The following TXK variants were observed in gnomAD, a reference collection of about 807,000 sequenced individuals.
TXK encodes the protein tyrosine-protein kinase TXK.
Under a neutral mutation model 81.0 loss-of-function variants are expected in TXK, and 60 were observed. That is an observed-to-expected ratio of 0.74 (90% CI 0.60 to 0.92). The LOEUF (loss-of-function observed/expected upper bound fraction) is 0.92. Among genes scored for constraint, TXK ranks in the 40% least tolerant of loss-of-function variants. TXK has a pLI of 0.00. For missense variants in TXK, 581 were observed against 638.3 expected (o/e 0.91, Z 0.97); for synonymous variants, 203 against 210.7 (o/e 0.96, Z 0.32).
Position 48,079,909 on chromosome 4 carries a change from T to TA in TXK, c.1173+2dup. 1 of 1,610,500 alleles carries TA rather than the reference T, an allele frequency of 6.2e-7. No homozygotes were observed. Among genetic ancestry groups the TA allele is most frequent in the Non-Finnish European group, 8.5e-7 (1 of 1,176,928 alleles). ...AAAAAAAGTAAATTTGCACCATACT[T>TA]ACCAAATCCCTATGAATATAGCCAT... On this transcript the variant is annotated splice_region_variant and intron_variant, in intron 11 of 14. Coordinates refer to ENST00000264316, the MANE Select transcript of TXK (RefSeq NM_003328.3).
intron 12 of TXK, among the ~76,000 whole-genome samples, chr4:48,075,111 G>C (rs1245412487): frequency 1.3e-5 from 2 of 152,010 alleles, no homozygotes; most frequent in Admixed American, 1.3e-4. Flanking sequence ...AAAGAAAAGG[G>C]GGGTACTAGA....
At chr4:48,131,984 C>G (rs1040411138) in intron 1 of TXK, among the ~76,000 whole-genome samples, 1 of 150,618 alleles carries the variant, frequency 6.6e-6, no homozygotes, top group Non-Finnish European at 1.5e-5. Flanking sequence ...TTGTTCTTAT[C>G]TGCGTGAATG....
At chr4:48,068,148 C>T (rs1331366725) in intron 14 of TXK, among the ~76,000 whole-genome samples, 1 of 152,206 alleles carries the variant, frequency 6.6e-6, no homozygotes, top group Non-Finnish European at 1.5e-5. Flanking sequence ...CTCAGTCGTG[C>T]TAGCCACTTT....
intron 1 of TXK, among the ~76,000 whole-genome samples, chr4:48,125,156 TCCA>T (rs1283050249): frequency 6.6e-6 from 1 of 152,186 alleles, no homozygotes; most frequent in East Asian, 1.9e-4. Context: ...CAGCCATTTA[TCCA>T]GTCACATAAA....
At chr4:48,077,170 T>A (rs890688773) in intron 11 of TXK, among the ~76,000 whole-genome samples, 1 of 152,206 alleles carries the variant, frequency 6.6e-6, no homozygotes, top group African/African-American at 2.4e-5. Flanking sequence ...CACAATGAAC[T>A]GAATATAATG....
At chr4:48,099,557 A>T (rs1172506098) in intron 6 of TXK, among the ~76,000 whole-genome samples, 1 of 151,974 alleles carries the variant, frequency 6.6e-6, no homozygotes, top group East Asian at 1.9e-4. Context: ...AAGATTTTTT[A>T]AAATGAGACA....
At chr4:48,076,000 A>C (rs1010380000) in intron 12 of TXK, among the ~76,000 whole-genome samples, 3 of 152,226 alleles carry the variant, frequency 2.0e-5, no homozygotes, top group Non-Finnish European at 2.9e-5. Flanking sequence ...ACTTAAAGTC[A>C]ACTACTATAC....
intron 9 of TXK, among the ~76,000 whole-genome samples, chr4:48,088,249 G>T (rs954975248): frequency 1.3e-5 from 2 of 152,162 alleles, no homozygotes; most frequent in Non-Finnish European, 2.9e-5. Context: ...TTAGAAAACT[G>T]ACTGTATCTA....
chr4:48,113,908 A>G (rs938695965), intron 2 of TXK, among the ~76,000 whole-genome samples: 1 of 152,228 alleles, frequency 6.6e-6, no homozygotes, highest in African/African-American at 2.4e-5. Context: ...CTCCTGTTAA[A>G]TGTTAGCTTT....
chr4:48,090,346 A>G (rs1577660253), intron 8 of TXK, among the ~76,000 whole-genome samples: 2 of 152,210 alleles, frequency 1.3e-5, no homozygotes, highest in East Asian at 3.8e-4. Context: ...TTTCCAGGTC[A>G]AAGCGTGTCC....
intron 11 of TXK, among the ~76,000 whole-genome samples, chr4:48,079,476 A>G (rs756064743): frequency 9.9e-5 from 15 of 152,094 alleles, no homozygotes; most frequent in Non-Finnish European, 1.9e-4. Context: ...GCATGAGGAC[A>G]GCTTCAACTT....
chr4:48,111,764 ATTC>A (rs1313630914), intron 4 of TXK, among the ~76,000 whole-genome samples: 3 of 152,242 alleles, frequency 2.0e-5, no homozygotes, highest in Non-Finnish European at 2.9e-5. Context: ...ATTCCTCAGA[ATTC>A]TTCTCAACTC....
chr4:48,111,724 T>C (rs12233700), intron 4 of TXK, among the ~76,000 whole-genome samples: 14,417 of 152,268 alleles, frequency 0.095, 953 homozygotes, highest in East Asian at 0.35. Context: ...CAGAAATCAA[T>C]GCCAGCCTTC....
rs1395332037 is a variant in TXK at position 48,094,114 on chromosome 4, G to T, written c.672C>A (p.Ile224=). 6.2e-7 allele frequency: 1 copy of T among 1,613,786 alleles called. No individual in the cohort carries two copies. Among genetic ancestry groups the T allele is most frequent in the South Asian group, 1.1e-5 (1 of 91,054 alleles). ...GCTGGTGATACCAGATTAACTCAGGGATTGATTGAAAGGCGTGTCTTTCAG... is the reference window on the plus strand; with the variant it reads ...GCTGGTGATACCAGATTAACTCAGGTATTGATTGAAAGGCGTGTCTTTCAG... ...YVAERHAFQS[I]PELIWYHQHN... is the part of the protein sequence containing the mutation. Residue 224 remains isoleucine, a synonymous_variant, in exon 8 of 15, where the codon ATC becomes ATA. Transcript: ENST00000264316.
chr4:48,117,301 T>C (rs765606472), intron 1 of TXK, among the ~76,000 whole-genome samples: 2 of 152,240 alleles, frequency 1.3e-5, no homozygotes, highest in Non-Finnish European at 2.9e-5. Context: ...CTGTAGGATT[T>C]GGGTTTTTGT....
At chr4:48,068,794 G>A (rs1287796983) in intron 14 of TXK, among the ~76,000 whole-genome samples, 1 of 152,190 alleles carries the variant, frequency 6.6e-6, no homozygotes, top group Non-Finnish European at 1.5e-5. Context: ...AGTAGGGTCA[G>A]CGGAAAGACA....
At chr4:48,096,204 G>A (rs971262356) in intron 6 of TXK, among the ~76,000 whole-genome samples, 11 of 152,250 alleles carry the variant, frequency 7.2e-5, no homozygotes, top group African/African-American at 1.9e-4. Context: ...GCAGCCATTC[G>A]AAATAATAAA....
rs543046484 is a variant in TXK, at chr4:48,098,272, T to C, written c.502-3050A>G. On this transcript the variant is annotated intron_variant, in intron 6 of 14. Transcript: ENST00000264316. ...TGACCAGTCTTATCAATGTAAAAAT[T>C]CTAAATAAAATGTTAAGAAATAAAT... is the stretch of plus-strand genomic sequence containing the variant. Among the ~76,000 whole-genome samples the C allele has an allele frequency of 2.6e-5, 4 of 152,288 alleles. No individual in the cohort carries two copies. In the South Asian group the frequency reaches 8.3e-4, roughly 32 times the overall value.
At chr4:48,099,760 TTTA>T (rs1718116522) in intron 6 of TXK, among the ~76,000 whole-genome samples, 1 of 152,198 alleles carries the variant, frequency 6.6e-6, no homozygotes, top group Non-Finnish European at 1.5e-5. Context: ...AGGGATTTTG[TTTA>T]TTATGACAGT....
Sources: gnomAD v4.1 joint callset for allele counts (sites outside exome capture counted in the v4.1 genomes callset) on GRCh38, gnomAD v4.1.1 for gene constraint, MANE v1.5 for transcripts, NCBI Gene and HGNC (gene_info 2026-07-23, HGNC 2026-07-21) for gene names.